The following CD2AP variants were observed in gnomAD, a reference collection of about 807,000 sequenced individuals.
CD2AP encodes the protein CD2-associated protein.
Under a neutral mutation model 85.1 loss-of-function variants are expected in CD2AP, and 46 were observed. That is an observed-to-expected ratio of 0.54 (90% confidence interval 0.43 to 0.69). CD2AP has a LOEUF of 0.69. Among genes scored for constraint, CD2AP ranks in the 30% least tolerant of loss-of-function variants. CD2AP has a pLI of 0.00. For missense variants in CD2AP, 769 were observed against 729.5 expected (o/e 1.05, Z -0.62); for synonymous variants, 255 against 252.9 (o/e 1.01, Z -0.08).
chr6:47,578,023 A>G (rs1331332766), intron 8 of CD2AP, among the ~76,000 whole-genome samples: 1 of 140,496 alleles, frequency 7.1e-6, no homozygotes, highest in African/African-American at 2.5e-5. Flanking sequence ...GACATCTGTC[A>G]TCTCACATAG....
At chr6:47,544,457 A>G (rs753711994) in intron 3 of CD2AP, 149 bp from the exon 4 acceptor site, 80 of 608,912 alleles carry the variant, frequency 1.3e-4, no homozygotes, top group Admixed American at 1.2e-3. Context: ...AAAGCTAACC[A>G]GGGCTGATTG....
intron 11 of CD2AP, among the ~76,000 whole-genome samples, chr6:47,583,166 A>G (rs1768528376): frequency 6.6e-6 from 1 of 152,124 alleles, no homozygotes; most frequent in Non-Finnish European, 1.5e-5. Context: ...GAGTTCCTGT[A>G]TACTTCCTTT....
Position 47,627,216 on chromosome 6 carries a change from T to C in CD2AP, c.*2989T>C, listed in dbSNP as rs1769930914. 1 of 152,332 alleles carries C rather than the reference T, an allele frequency of 6.6e-6. No individual in the cohort carries two copies. Among genetic ancestry groups the C allele is most frequent in the African/African-American group, 2.4e-5 (1 of 41,450 alleles). 9.4% of individuals were successfully genotyped at this position (152,332 alleles called of 1,614,324 possible). ...CAGAGTATGATGAAAATTATATTAC[T>C]TCAATTTCCAAATACAAGAATAAAT... On this transcript the variant is annotated 3_prime_UTR_variant, in exon 18 of 18. Coordinates refer to ENST00000359314, the MANE Select transcript of CD2AP (RefSeq NM_012120.3).
At chr6:47,589,565 C>CACACACACATATATATATATATATATAT (rs139814970) in intron 11 of CD2AP, among the ~76,000 whole-genome samples, 7 of 120,936 alleles carry the variant, frequency 5.8e-5, no homozygotes, top group African/African-American at 8.9e-5. Flanking sequence ...CACACACACA[C>CACACACACATATATATATATATATATAT]ATATATATAT....
intron 5 of CD2AP, among the ~76,000 whole-genome samples, chr6:47,560,092 CTTTTTTTTAACTTGGAGAAAAATTAT>C (rs1033970094): frequency 3.3e-5 from 5 of 151,852 alleles, no homozygotes; most frequent in Middle Eastern, 3.4e-3. Context: ...TATTTTGAAA[CTTTTTTTTAACTTGGAGAAAAATTAT>C]AAAAATAAAA....
intron 17 of CD2AP, among the ~76,000 whole-genome samples, chr6:47,618,298 TGACAGAACGA>T (rs1769652076): frequency 6.6e-6 from 1 of 152,128 alleles, no homozygotes; most frequent in Non-Finnish European, 1.5e-5. Context: ...CCAGCCTGGG[TGACAGAACGA>T]GACTGTCTCA....
intron 5 of CD2AP, among the ~76,000 whole-genome samples, chr6:47,571,768 C>G (rs145813128): frequency 2.0e-4 from 31 of 152,194 alleles, no homozygotes; most frequent in South Asian, 6.2e-4. Context: ...TTCTTTCTCT[C>G]TAGATTTCAG....
At chr6:47,518,266 A>G (rs920394765) in intron 2 of CD2AP, among the ~76,000 whole-genome samples, 1 of 152,216 alleles carries the variant, frequency 6.6e-6, no homozygotes, top group Non-Finnish European at 1.5e-5. Flanking sequence ...TATTTCTGTG[A>G]GTTTTGACAA....
At chr6:47,527,149 A>C (rs1006400552) in intron 2 of CD2AP, among the ~76,000 whole-genome samples, 2 of 152,196 alleles carry the variant, frequency 1.3e-5, no homozygotes, top group Admixed American at 1.3e-4. Flanking sequence ...TAAAAAAAGA[A>C]AAGTTTTTTT....
chr6:47,513,958 A>G (rs1766386923), intron 2 of CD2AP, among the ~76,000 whole-genome samples: 1 of 151,794 alleles, frequency 6.6e-6, no homozygotes, highest in African/African-American at 2.4e-5. Context: ...TTTCATGATT[A>G]CTAGTGAAGC....
intron 5 of CD2AP, among the ~76,000 whole-genome samples, chr6:47,555,450 C>T (rs555001071): frequency 9.9e-5 from 15 of 151,792 alleles, no homozygotes; most frequent in Non-Finnish European, 2.2e-4. Flanking sequence ...TGAGAATTTT[C>T]GGGGATTTGC....
At chr6:47,507,727 G>C (rs1766211290) in intron 2 of CD2AP, among the ~76,000 whole-genome samples, 1 of 152,166 alleles carries the variant, frequency 6.6e-6, no homozygotes, top group Non-Finnish European at 1.5e-5. Flanking sequence ...TTACAGGTGT[G>C]AGCCACCGTG....
At chr6:47,595,388 T>C (rs1267162058) in intron 11 of CD2AP, among the ~76,000 whole-genome samples, 1 of 151,960 alleles carries the variant, frequency 6.6e-6, no homozygotes, top group Non-Finnish European at 1.5e-5. Flanking sequence ...TCTCTTAACA[T>C]TTGATTTTTT....
At chr6:47,549,475 A>AAAT (rs1767455993) in intron 4 of CD2AP, among the ~76,000 whole-genome samples, 1 of 151,550 alleles carries the variant, frequency 6.6e-6, no homozygotes, top group Non-Finnish European at 1.5e-5. Context: ...AAAAAAAAAA[A>AAAT]AAAAATAAGA....
rs1447114535 is a variant in CD2AP, at chr6:47,478,137, G to C, written c.-108G>C. On this transcript the variant is annotated 5_prime_UTR_variant, in exon 1 of 18. Transcript: ENST00000359314. The stretch of plus-strand genomic sequence containing the variant: ...CCCCGCCTGAGCTCAGGAGGGGCTA[G>C]CGCGGAGCGCGGGTCCCGCCTCCAG... 2 of 1,410,534 alleles carry C rather than the reference G, an allele frequency of 1.4e-6. No individual in the cohort carries two copies. The highest frequency in any genetic ancestry group is 3.9e-5 in the Admixed American group (2 of 50,702). The allele number at this position is 1,410,534 out of a possible 1,614,324, so 87.4% of individuals were successfully genotyped here.
At chr6:47,572,434 T>G (rs893465709) in intron 5 of CD2AP, among the ~76,000 whole-genome samples, 6 of 152,034 alleles carry the variant, frequency 3.9e-5, no homozygotes, top group African/African-American at 1.5e-4. Flanking sequence ...AAAAATATAT[T>G]ACAAAACTGT....
intron 2 of CD2AP, among the ~76,000 whole-genome samples, chr6:47,518,020 T>G (rs1438614571): frequency 6.6e-6 from 1 of 152,148 alleles, no homozygotes; most frequent in African/African-American, 2.4e-5. Flanking sequence ...GGTAGAATGG[T>G]TAAATATTGT....
At chr6:47,478,400 C>A in intron 1 of CD2AP, 152 bp downstream of exon 1, 1 of 924,136 alleles carries the variant, frequency 1.1e-6, no homozygotes, top group Non-Finnish European at 1.7e-6. Context: ...CCTTCTTGCC[C>A]TGCCTTCCAC....
intron 5 of CD2AP, among the ~76,000 whole-genome samples, chr6:47,558,954 G>C (rs1482611273): frequency 6.6e-6 from 1 of 152,096 alleles, no homozygotes; most frequent in Admixed American, 6.6e-5. Context: ...ATCTAGAGCT[G>C]AGCTTTTTTT....
Sources: allele counts gnomAD v4.1 joint callset (sites outside exome capture counted in the v4.1 genomes callset), GRCh38; gene constraint gnomAD v4.1.1; transcripts MANE v1.5; gene names NCBI Gene and HGNC (gene_info 2026-07-23, HGNC 2026-07-21).